The following CHSY1 variants were observed in gnomAD, a reference collection of about 807,000 sequenced individuals.
CHSY1 encodes the protein N-acetylgalactosaminyl-proteoglycan 3-beta-glucuronosyltransferase 1.
A neutral mutation model predicts 59.8 loss-of-function variants in CHSY1; 13 were observed. The ratio of observed to expected loss-of-function variants is 0.22; its 90% CI spans 0.14 to 0.35. The LOEUF (loss-of-function observed/expected upper bound fraction) is 0.35, where lower values mean the gene tolerates loss of function less well. Ranked by LOEUF, CHSY1 falls within the 10% of genes least tolerant of loss-of-function variation. CHSY1 has a pLI of 1.00. For missense variants in CHSY1, 947 were observed against 1,030.6 expected (o/e 0.92, Z 1.11); for synonymous variants, 459 against 401.2 (o/e 1.14, Z -1.72).
chr15:101,218,241 G>A (rs1252760551), intron 2 of CHSY1, among the ~76,000 whole-genome samples: 1 of 152,150 alleles, frequency 6.6e-6, no homozygotes, highest in African/African-American at 2.4e-5. Context: ...AAGACAGCAG[G>A]TCAAAGCTAA....
intron 2 of CHSY1, among the ~76,000 whole-genome samples, chr15:101,232,160 A>T (rs938606236): frequency 2.6e-5 from 4 of 152,240 alleles, no homozygotes; most frequent in African/African-American, 9.6e-5. Context: ...ACTCGCCAAA[A>T]AAAACACTAT....
chr15:101,200,278 A>G (rs1163369423), intron 2 of CHSY1, among the ~76,000 whole-genome samples: 3 of 152,216 alleles, frequency 2.0e-5, no homozygotes, highest in Non-Finnish European at 4.4e-5. Flanking sequence ...CCTTTACGCA[A>G]AAATGCCATC....
At chr15:101,209,596 A>C (rs575699905) in intron 2 of CHSY1, among the ~76,000 whole-genome samples, 86 of 152,358 alleles carry the variant, frequency 5.6e-4, no homozygotes, top group African/African-American at 2.0e-3. Flanking sequence ...CCTGCTAAAC[A>C]AAAATAACAA....
chr15:101,207,431 A>T (rs1420395740), intron 2 of CHSY1, among the ~76,000 whole-genome samples: 1 of 152,238 alleles, frequency 6.6e-6, no homozygotes, highest in Non-Finnish European at 1.5e-5. Context: ...TGTGAACAAC[A>T]ATACCTTCTA....
intron 2 of CHSY1, among the ~76,000 whole-genome samples, chr15:101,225,168 A>C (rs1009618783): frequency 6.6e-6 from 1 of 152,018 alleles, no homozygotes; most frequent in Admixed American, 6.5e-5. Flanking sequence ...TTCCAGGCTC[A>C]AGCCATCTTC....
At position 101,176,025 on chromosome 15, in the gene CHSY1, C is replaced by A. The variant is rs1166885908; in HGVS notation, c.*1363G>T. On this transcript the variant is annotated 3_prime_UTR_variant, in exon 3 of 3. Coordinates refer to ENST00000254190, the MANE Select transcript of CHSY1 (RefSeq NM_014918.5). ...CACTTTTGTCCCCAAAACACATGAG[C>A]ACCAAAATTGTCAAAGAACACTTAA... 4 of 362,984 alleles carry A rather than the reference C, an allele frequency of 1.1e-5. No individual in the cohort carries two copies. The highest frequency in any genetic ancestry group is 1.5e-5 in the Non-Finnish European group (3 of 204,636). The allele number at this position is 362,984 out of a possible 1,614,324, so 22.5% of individuals were successfully genotyped here.
chr15:101,234,959 T>A, intron 2 of CHSY1, 123 bp downstream of exon 2: 1 of 1,294,412 alleles, frequency 7.7e-7, no homozygotes, highest in Non-Finnish European at 1.1e-6. Context: ...GCTAAAAATG[T>A]AGAATAATAC....
chr15:101,194,336 G>A (rs2038482141), intron 2 of CHSY1, among the ~76,000 whole-genome samples: 1 of 151,914 alleles, frequency 6.6e-6, no homozygotes, highest in African/African-American at 2.4e-5. Context: ...TTCTTAGCCT[G>A]TTTGTGTGTC....
intron 2 of CHSY1, among the ~76,000 whole-genome samples, chr15:101,205,107 T>C (rs1034435735): frequency 3.3e-5 from 5 of 152,238 alleles, no homozygotes; most frequent in African/African-American, 1.2e-4. Context: ...TCCTCTGTAA[T>C]CTATTTTTAT....
At position 101,251,006 on chromosome 15, in the gene CHSY1, G is replaced by A. The variant is rs528688353; in HGVS notation, c.320+131C>T. 7.1e-5 allele frequency: 62 copies of A among 870,460 alleles called. No homozygotes were observed. The Admixed American group carries it at 1.0e-3, about 14-fold the overall frequency. 53.9% of individuals were successfully genotyped at this position (870,460 alleles called of 1,614,324 possible). ...CCCTCGGCCCGGCGTCTCCCGAGAG[G>A]CAACCCGATCCCGCCGGAAGCCCAA... is the stretch of plus-strand genomic sequence containing the variant. On this transcript the variant is annotated intron_variant, in intron 1 of 2. Transcript: ENST00000254190.
intron 2 of CHSY1, among the ~76,000 whole-genome samples, chr15:101,186,483 T>C (rs1485156811): frequency 6.6e-6 from 1 of 152,212 alleles, no homozygotes; most frequent in Non-Finnish European, 1.5e-5. Flanking sequence ...GCTACTTGAA[T>C]TGATCAAGTC....
intron 2 of CHSY1, among the ~76,000 whole-genome samples, chr15:101,220,655 G>A (rs879692896): frequency 1.3e-5 from 2 of 152,186 alleles, no homozygotes; most frequent in Admixed American, 6.5e-5. Flanking sequence ...ATGGAGGCTC[G>A]TCTGCCCCAA....
intron 1 of CHSY1, among the ~76,000 whole-genome samples, chr15:101,249,112 T>G (rs772838696): frequency 1.3e-4 from 20 of 151,860 alleles, no homozygotes; most frequent in Non-Finnish European, 1.9e-4. Context: ...CTGCATTACA[T>G]TTTCTGAGTA....
At chr15:101,183,586 T>C (rs945488792) in intron 2 of CHSY1, among the ~76,000 whole-genome samples, 7 of 152,214 alleles carry the variant, frequency 4.6e-5, no homozygotes, top group Non-Finnish European at 7.3e-5. Flanking sequence ...CTGAAGGATA[T>C]GTTCCTCTAA....
chr15:101,230,157 G>A (rs1338168029), intron 2 of CHSY1, among the ~76,000 whole-genome samples: 1 of 151,994 alleles, frequency 6.6e-6, no homozygotes, highest in Non-Finnish European at 1.5e-5. Flanking sequence ...GGCCAGGCTG[G>A]TCTTGAACTC....
chr15:101,238,878 A>G (rs764189451), intron 1 of CHSY1, among the ~76,000 whole-genome samples: 3 of 152,240 alleles, frequency 2.0e-5, no homozygotes, highest in Non-Finnish European at 4.4e-5. Flanking sequence ...AGAGATGTGG[A>G]AATTAATTTA....
At position 101,218,429 on chromosome 15, in the gene CHSY1, T is replaced by C. The variant is rs186502909; in HGVS notation, c.816+16653A>G. Among the ~76,000 whole-genome samples, 655 of 152,206 alleles carry C rather than the reference T, an allele frequency of 4.3e-3. 4 individuals are homozygous for C. The highest frequency in any genetic ancestry group is 0.014 in the African/African-American group (587 of 41,516). On this transcript the variant is annotated intron_variant, in intron 2 of 2. Coordinates refer to ENST00000254190, the MANE Select transcript of CHSY1 (RefSeq NM_014918.5). ...CTGGTCAACATGGTGAAACCCCGTC[T>C]CTACTAAAAATACAAAAAATTAGCC...
chr15:101,190,710 C>T (rs2038431460), intron 2 of CHSY1, among the ~76,000 whole-genome samples: 1 of 152,172 alleles, frequency 6.6e-6, no homozygotes, highest in Admixed American at 6.5e-5. Flanking sequence ...ACTTATAAGA[C>T]TTATCTAAAA....
intron 2 of CHSY1, among the ~76,000 whole-genome samples, chr15:101,188,680 A>G (rs945396059): frequency 1.3e-5 from 2 of 152,232 alleles, no homozygotes; most frequent in East Asian, 1.9e-4. Context: ...AGCCTGACTC[A>G]TTTCAAAATA....
Sources: allele counts gnomAD v4.1 joint callset (sites outside exome capture counted in the v4.1 genomes callset), GRCh38; gene constraint gnomAD v4.1.1; transcripts MANE v1.5; gene names NCBI Gene and HGNC (gene_info 2026-07-23, HGNC 2026-07-21).